ADSS1: variants seen among roughly 807,000 people sequenced by gnomAD.
ADSS1 encodes the protein adenylosuccinate synthase 1, also known as adenylosuccinate synthetase isozyme 1.
Under a neutral mutation model 59.1 loss-of-function variants are expected in ADSS1, and 57 were observed. The observed-to-expected ratio is 0.97, with a 90% CI of 0.78 to 1.20. The LOEUF (loss-of-function observed/expected upper bound fraction) is 1.20. ADSS1 is among the 50% of genes most tolerant of loss of function. ADSS1 has a pLI of 0.00. For missense variants in ADSS1, 603 were observed against 610.3 expected, an observed-to-expected ratio of 0.99 and a Z score of 0.13; for synonymous variants, 247 against 249.4, an observed-to-expected ratio of 0.99 and a Z score of 0.09.
chr14:104,744,780 T>C (rs765861855), intron 10 of ADSS1, 32 bp from the exon 11 acceptor site: 5 of 1,609,216 alleles, frequency 3.1e-6, no homozygotes, highest in Non-Finnish European at 3.4e-6. Flanking sequence ...TGACCACTTC[T>C]TGGGTTTGCC....
At position 104,724,473 on chromosome 14, in the gene ADSS1, G is replaced by A. The variant is rs1890662135; in HGVS notation, c.192+11G>A. 4.0e-6 allele frequency: 5 copies of A among 1,239,860 alleles called. No homozygotes were observed. The highest frequency in any genetic ancestry group is 4.2e-5 in the Admixed American group (1 of 23,878). 76.8% of individuals were successfully genotyped at this position (1,239,860 alleles called of 1,614,324 possible). A position where few individuals can be genotyped will look rare whatever the true frequency, so the allele number is the denominator to read the frequency against. ...ATCAGCCGCTGCCAGGTGCGGGCTG[G>A]GGCGCCGGGTCCCTCCCCCACCGCC... is the stretch of plus-strand genomic sequence containing the variant. On this transcript the variant is annotated intron_variant, in intron 1 of 12. Transcript: ENST00000330877.
chr14:104,729,159 G>A lies in ADSS1; in HGVS notation c.192+4697G>A, dbSNP rs142957032. Among the ~76,000 whole-genome samples, 1,468 of 152,286 alleles carry A rather than the reference G, an allele frequency of 9.6e-3. 75 individuals are homozygous for A. Among genetic ancestry groups the A allele is most frequent in the Admixed American group, 0.09 (1,374 of 15,292 alleles). On this transcript the variant is annotated intron_variant, in intron 1 of 12. Coordinates refer to ENST00000330877, the MANE Select transcript of ADSS1 (RefSeq NM_152328.5). ...CCAAGCAGACGCTGTGGCCAGAGGAGTCATCCATGGCAGTAAAGGGCCTAT... is the reference window on the plus strand; with the variant it reads ...CCAAGCAGACGCTGTGGCCAGAGGAATCATCCATGGCAGTAAAGGGCCTAT...
At position 104,742,029 on chromosome 14, in the gene ADSS1, G is replaced by A. The variant is rs377690224; in HGVS notation, c.948+27G>A. 58 of 1,609,768 alleles carry A rather than the reference G, an allele frequency of 3.6e-5. No homozygotes were observed. In the African/African-American group the frequency reaches 4.3e-4, roughly 12 times the overall value. On this transcript the variant is annotated intron_variant, in intron 9 of 12. Transcript: ENST00000330877. ...TGAGTCCCCAGCCCCTCGGGACCCC[G>A]TGGGAGGACAGGGAGGCCAGGCAGG...
chr14:104,737,094 G>C (rs1170398576), intron 2 of ADSS1: 1 of 151,858 alleles, frequency 6.6e-6, no homozygotes, highest in East Asian at 1.9e-4. Context: ...GACAGGTCAT[G>C]ATCACCCAGA....
At chr14:104,734,962 A>C (rs1433849219) in intron 1 of ADSS1, 58 bp from the exon 2 acceptor site, 3 of 1,500,728 alleles carry the variant, frequency 2.0e-6, no homozygotes, top group Non-Finnish European at 2.8e-6. Flanking sequence ...GGGTCAGTCC[A>C]TGTCCGGGGG....
chr14:104,725,319 A>G (rs979922336), intron 1 of ADSS1, among the ~76,000 whole-genome samples: 6 of 152,150 alleles, frequency 3.9e-5, no homozygotes, highest in Non-Finnish European at 7.4e-5. Context: ...GGGCTGACTT[A>G]CAGCTCCAGG....
chr14:104,739,219 A>G, intron 3 of ADSS1, 109 bp from the exon 4 acceptor site: 1 of 1,194,268 alleles, frequency 8.4e-7, no homozygotes, highest in Non-Finnish European at 1.2e-6. Flanking sequence ...TCCTCCCTGC[A>G]TGCCTTACCT....
At chr14:104,724,574 C>T in intron 1 of ADSS1, 112 bp downstream of exon 1, 1 of 1,222,188 alleles carries the variant, frequency 8.2e-7, no homozygotes, top group Non-Finnish European at 1.0e-6. Flanking sequence ...CGCTTGGATG[C>T]CTTCCTTCCG....
intron 1 of ADSS1, among the ~76,000 whole-genome samples, chr14:104,729,494 G>A (rs1462267809): frequency 2.0e-5 from 3 of 149,640 alleles, no homozygotes; most frequent in South Asian, 4.3e-4. Context: ...TGGGAGGGAG[G>A]AGGTAGCGTC....
Position 104,739,387 on chromosome 14 carries a change from C to T in ADSS1, c.409+9C>T. On this transcript the variant is annotated intron_variant, in intron 4 of 12. Coordinates refer to ENST00000330877, the MANE Select transcript of ADSS1 (RefSeq NM_152328.5). ...TGACAGAGCCCACCTTGGTACGTTTCCCACTGGAGTACAGGGAACAGCCCC... is the reference window on the plus strand; with the variant it reads ...TGACAGAGCCCACCTTGGTACGTTTTCCACTGGAGTACAGGGAACAGCCCC... The T allele has an allele frequency of 6.2e-7, 1 of 1,602,150 alleles. No homozygotes were observed. Among genetic ancestry groups the T allele is most frequent in the South Asian group, 1.1e-5 (1 of 88,644 alleles).
chr14:104,739,132 C>T (rs906786591), intron 3 of ADSS1, among the ~76,000 whole-genome samples, 196 bp from the exon 4 acceptor site: 14 of 151,802 alleles, frequency 9.2e-5, no homozygotes, highest in South Asian at 2.1e-4. Flanking sequence ...AGTGAGGGTC[C>T]GGGAGTCTCA....
intron 1 of ADSS1, among the ~76,000 whole-genome samples, chr14:104,731,573 A>G (rs1483987773): frequency 6.6e-6 from 1 of 152,218 alleles, no homozygotes; most frequent in Admixed American, 6.5e-5. Context: ...TGGCCTTCCC[A>G]GAGCTCAGGT....
chr14:104,741,934 G>T lies in ADSS1; in HGVS notation c.880G>T (p.Val294Leu), dbSNP rs781702955. 2 of 1,613,494 alleles carry T rather than the reference G, an allele frequency of 1.2e-6. No homozygotes were observed. Among genetic ancestry groups the T allele is most frequent in the Non-Finnish European group, 1.7e-6 (2 of 1,180,012 alleles). The change falls in exon 9 of 13, where the codon GTG becomes TTG. Residue 294 changes from valine (V) to leucine (L), a missense_variant. Coordinates refer to ENST00000330877, the MANE Select transcript of ADSS1 (RefSeq NM_152328.5). ...LGIPPQNIGDVYGVVKAYTTR... is the reference protein window; with the variant it reads ...LGIPPQNIGDLYGVVKAYTTR... ...CATCCCCCCGCAGAACATAGGTGAC[G>T]TGTATGGCGTGGTGAAAGCCTATAC...
intron 2 of ADSS1, 124 bp downstream of exon 2, chr14:104,735,246 C>A (rs891684571): frequency 4.5e-6 from 4 of 893,750 alleles, no homozygotes; most frequent in East Asian, 2.7e-5. Context: ...TAGGCTGGAC[C>A]CCAGCCTCCA....
At chr14:104,734,869 A>G (rs1284211800) in intron 1 of ADSS1, 151 bp from the exon 2 acceptor site, 2 of 650,748 alleles carry the variant, frequency 3.1e-6, no homozygotes, top group Non-Finnish European at 5.6e-6. Context: ...CCAGTCCCGC[A>G]CAGACGCATC....
At chr14:104,725,311 G>GCT (rs968072357) in intron 1 of ADSS1, among the ~76,000 whole-genome samples, 51 of 152,208 alleles carry the variant, frequency 3.4e-4, no homozygotes, top group African/African-American at 1.2e-3. Context: ...CTGCCCATGG[G>GCT]CTGACTTACA....
At chr14:104,745,076 G>A in intron 11 of ADSS1, 167 bp downstream of exon 11, 1 of 636,558 alleles carries the variant, frequency 1.6e-6, no homozygotes, top group Non-Finnish European at 2.7e-6. Context: ...CCTCTCACGG[G>A]TTTCTCCCCA....
intron 2 of ADSS1, among the ~76,000 whole-genome samples, chr14:104,735,973 C>T (rs1203965707): frequency 6.6e-6 from 1 of 152,268 alleles, no homozygotes; most frequent in Non-Finnish European, 1.5e-5. Flanking sequence ...CTGACCCCTT[C>T]CCAGCCCGTC....
intron 10 of ADSS1, 118 bp downstream of exon 10, chr14:104,743,309 C>T: frequency 6.9e-7 from 1 of 1,456,280 alleles, no homozygotes; most frequent in Non-Finnish European, 9.4e-7. Flanking sequence ...ACAAGGTTTC[C>T]ACTGATCTCG....
Sources: gnomAD v4.1 joint callset for allele counts (sites outside exome capture counted in the v4.1 genomes callset) on GRCh38, gnomAD v4.1.1 for gene constraint, MANE v1.5 for transcripts, NCBI Gene and HGNC (gene_info 2026-07-23, HGNC 2026-07-21) for gene names.